CHSY1: variants seen among roughly 807,000 people sequenced by gnomAD.
CHSY1 encodes the protein N-acetylgalactosaminyl-proteoglycan 3-beta-glucuronosyltransferase 1.
CHSY1 carries 13 observed loss-of-function variants against 59.8 expected under a neutral mutation model. That is an observed-to-expected ratio of 0.22 (90% CI 0.14 to 0.35). CHSY1 has a LOEUF of 0.35. Among genes scored for constraint, CHSY1 ranks in the 10% least tolerant of loss-of-function variants. CHSY1 has a pLI of 1.00. For missense variants in CHSY1, 947 were observed against 1,030.6 expected (o/e 0.92, Z 1.11); for synonymous variants, 459 against 401.2 (o/e 1.14, Z -1.72).
chr15:101,231,264 G>T (rs2038890107), intron 2 of CHSY1, among the ~76,000 whole-genome samples: 1 of 152,204 alleles, frequency 6.6e-6, no homozygotes, highest in Non-Finnish European at 1.5e-5. Context: ...TCAAAAAGAC[G>T]AAGTTCTTTT....
intron 1 of CHSY1, among the ~76,000 whole-genome samples, chr15:101,250,797 G>C (rs907664042): frequency 6.6e-6 from 1 of 152,222 alleles, no homozygotes; most frequent in Admixed American, 6.5e-5. Flanking sequence ...TGTGCTATGA[G>C]TTTTCCAACA....
intron 2 of CHSY1, among the ~76,000 whole-genome samples, chr15:101,204,942 A>G (rs936991316): frequency 6.6e-6 from 1 of 152,148 alleles, no homozygotes; most frequent in Non-Finnish European, 1.5e-5. Context: ...TGGCAGAGTT[A>G]AGAATACTGT....
chr15:101,234,823 C>T (rs1025298939), intron 2 of CHSY1, among the ~76,000 whole-genome samples: 4 of 152,076 alleles, frequency 2.6e-5, no homozygotes, highest in African/African-American at 4.8e-5. Flanking sequence ...GCCGAGATGG[C>T]GCCACTGCAC....
chr15:101,178,992 A>G lies in CHSY1; in HGVS notation c.817-12T>C. 6.2e-7 allele frequency: 1 copy of G among 1,613,336 alleles called. No homozygotes were observed. Among genetic ancestry groups the G allele is most frequent in the Non-Finnish European group, 8.5e-7 (1 of 1,179,448 alleles). ...AAAAGCTGCTGCATCTGTTACAGGA[A>G]AAAAAAGAGATCACAAATTTAGTAT... On this transcript the variant is annotated splice_polypyrimidine_tract_variant and intron_variant, in intron 2 of 2. Coordinates refer to ENST00000254190, the MANE Select transcript of CHSY1 (RefSeq NM_014918.5).
intron 2 of CHSY1, among the ~76,000 whole-genome samples, chr15:101,195,988 C>A (rs1004701730): frequency 6.6e-6 from 1 of 152,026 alleles, no homozygotes; most frequent in Middle Eastern, 3.4e-3. Context: ...GTGGCTCATG[C>A]CTGTAATCCC....
intron 2 of CHSY1, among the ~76,000 whole-genome samples, chr15:101,197,886 G>A (rs906098872): frequency 1.3e-5 from 2 of 152,088 alleles, no homozygotes; most frequent in Non-Finnish European, 2.9e-5. Context: ...TCCGCGAGTG[G>A]TATTTGGACG....
Position 101,177,268 on chromosome 15 carries a change from A to G in CHSY1, c.*120T>C. 5 of 915,236 alleles carry G rather than the reference A, an allele frequency of 5.5e-6. No individual in the cohort carries two copies. The highest frequency in any genetic ancestry group is 8.1e-6 in the Non-Finnish European group (5 of 618,330). 56.7% of individuals were successfully genotyped at this position (915,236 alleles called of 1,614,324 possible). ...GAAAGCTCAATCTTAAAGGAGTCCT[A>G]TGTAAGAAAACCACTTGTAAAATAT... On this transcript the variant is annotated 3_prime_UTR_variant, in exon 3 of 3. Coordinates refer to ENST00000254190, the MANE Select transcript of CHSY1 (RefSeq NM_014918.5).
intron 2 of CHSY1, among the ~76,000 whole-genome samples, chr15:101,201,262 T>C (rs1181263453): frequency 1.3e-5 from 2 of 152,124 alleles, no homozygotes; most frequent in Non-Finnish European, 2.9e-5. Flanking sequence ...AAAAATCCAC[T>C]ACATAAAGAA....
At chr15:101,209,053 G>A (rs937516231) in intron 2 of CHSY1, among the ~76,000 whole-genome samples, 1 of 152,130 alleles carries the variant, frequency 6.6e-6, no homozygotes, top group African/African-American at 2.4e-5. Flanking sequence ...GATATTTACA[G>A]TCTCTCCACA....
At chr15:101,230,179 T>C (rs2038879354) in intron 2 of CHSY1, among the ~76,000 whole-genome samples, 1 of 152,024 alleles carries the variant, frequency 6.6e-6, no homozygotes. Flanking sequence ...TGACCTCAGG[T>C]GATCCACCCA....
At chr15:101,181,207 A>G (rs1174616719) in intron 2 of CHSY1, among the ~76,000 whole-genome samples, 1 of 152,186 alleles carries the variant, frequency 6.6e-6, no homozygotes, top group African/African-American at 2.4e-5. Flanking sequence ...ATCTCATGGT[A>G]AGGAAGGCTC....
intron 2 of CHSY1, among the ~76,000 whole-genome samples, chr15:101,210,251 A>G (rs963365579): frequency 6.6e-6 from 1 of 152,242 alleles, no homozygotes; most frequent in African/African-American, 2.4e-5. Context: ...TATAGCCACA[A>G]TTCTGCATAA....
At chr15:101,195,295 T>C (rs915443113) in intron 2 of CHSY1, among the ~76,000 whole-genome samples, 3 of 152,218 alleles carry the variant, frequency 2.0e-5, no homozygotes, top group Admixed American at 1.3e-4. Flanking sequence ...ACCTGAGCAA[T>C]AATCATATTT....
chr15:101,219,729 T>C (rs1383836801), intron 2 of CHSY1, among the ~76,000 whole-genome samples: 2 of 152,190 alleles, frequency 1.3e-5, no homozygotes, highest in African/African-American at 4.8e-5. Context: ...CCCATTGTTA[T>C]ACCAGCACAT....
intron 1 of CHSY1, among the ~76,000 whole-genome samples, chr15:101,238,850 A>C (rs775794132): frequency 1.3e-5 from 2 of 152,236 alleles, no homozygotes; most frequent in Non-Finnish European, 2.9e-5. Flanking sequence ...CTGAAGAAAA[A>C]GGATGTAGAA....
rs921119348 is a variant in CHSY1, at chr15:101,251,322, G to A, written c.135C>T (p.Pro45=). The part of the protein sequence containing the change: ...KRAGPRRRAS[P]EGCRSGQAAA... The stretch of plus-strand genomic sequence containing the variant: ...CCGCCTGCCCGGACCGGCAGCCCTC[G>A]GGGCTGGCGCGGCGCCGTGGGCCCG... The change falls in exon 1 of 3, where the codon CCC becomes CCT. Residue 45 remains proline, a synonymous_variant. Transcript: ENST00000254190. 41 of 1,115,060 alleles carry A rather than the reference G, an allele frequency of 3.7e-5. 1 individual carries two copies. The highest frequency in any genetic ancestry group is 7.6e-4 in the Middle Eastern group (2 of 2,648). The allele number at this position is 1,115,060 out of a possible 1,614,324, so 69.1% of individuals were successfully genotyped here.
At chr15:101,188,011 G>C in intron 2 of CHSY1, 2 of 984,980 alleles carry the variant, frequency 2.0e-6, no homozygotes, top group Non-Finnish European at 2.4e-6. Context: ...GTCTTCATTA[G>C]CAAATGTCCT....
intron 2 of CHSY1, among the ~76,000 whole-genome samples, chr15:101,225,320 G>A (rs2038830151): frequency 6.6e-6 from 1 of 151,978 alleles, no homozygotes. Context: ...CTCCCACCTT[G>A]GTGCTGCGAT....
rs113219895 is a variant in CHSY1 at position 101,178,579 on chromosome 15, G to A, written c.1218C>T (p.Asp406=). Residue 406 remains aspartate (D), a synonymous_variant, in exon 3 of 3, where the codon GAC becomes GAT. Transcript: ENST00000254190. ...TCTCCATGACCTGCATGACAATGTCGTCCAAGGCTTCCCTCTGGGCGGAGT... is the reference window on the plus strand; with the variant it reads ...TCTCCATGACCTGCATGACAATGTCATCCAAGGCTTCCCTCTGGGCGGAGT... The part of the protein sequence containing the change: ...GMDSAQREAL[D]DIVMQVMEMI... 5.6e-4 allele frequency: 903 copies of A among 1,614,202 alleles called. 1 individual carries two copies. The highest frequency in any genetic ancestry group is 4.7e-3 in the Admixed American group (285 of 60,030).
Sources: gnomAD v4.1 joint callset for allele counts (sites outside exome capture counted in the v4.1 genomes callset) on GRCh38, gnomAD v4.1.1 for gene constraint, MANE v1.5 for transcripts, NCBI Gene and HGNC (gene_info 2026-07-23, HGNC 2026-07-21) for gene names.